The following ATG12 variants were observed in gnomAD, a reference collection of about 807,000 sequenced individuals.
The protein encoded by ATG12 is autophagy related 12, also known as ubiquitin-like protein ATG12.
In ATG12, 19 loss-of-function variants were observed where a neutral mutation model predicts 17.6. The observed-to-expected ratio is 1.08, with a 90% confidence interval of 0.75 to 1.58. The LOEUF is 1.58. Ranked by LOEUF, ATG12 falls within the 40% of genes most tolerant of loss-of-function variation. The pLI is 0.00. For synonymous variants in ATG12, 75 were observed against 62.4 expected (o/e 1.20, Z -0.95); for missense variants, 214 against 162.0 (o/e 1.32, Z -1.74).
chr5:115,840,265 G>A (rs963602593), intron 1 of ATG12, among the ~76,000 whole-genome samples: 6 of 151,350 alleles, frequency 4.0e-5, no homozygotes, highest in African/African-American at 1.5e-4. Flanking sequence ...CACAGTAGCA[G>A]AAGTTGAAGA....
Position 115,828,982 on chromosome 5 carries a change from G to A in ATG12, c.*2822C>T, listed in dbSNP as rs1760752103. The stretch of plus-strand genomic sequence containing the variant: ...AGAGTTAGGATTTGAAAGGGTGAAG[G>A]TGTAAGTAAACTGCACGAGCAGAAG... On this transcript the variant is annotated 3_prime_UTR_variant, in exon 4 of 4. Transcript: ENST00000509910. The A allele has an allele frequency of 6.6e-6, 1 of 152,192 alleles. No individual in the cohort carries two copies. Among genetic ancestry groups the A allele is most frequent in the Admixed American group, 6.5e-5 (1 of 15,268 alleles). 9.4% of individuals were successfully genotyped at this position (152,192 alleles called of 1,614,324 possible).
chr5:115,831,626 T>G lies in ATG12; in HGVS notation c.*178A>C. ...ATGATGACTGGTGCATTAATACAAA[T>G]CACATTTTTCTGAGTCCATTCATGC... is the stretch of plus-strand genomic sequence containing the variant. On this transcript the variant is annotated 3_prime_UTR_variant, in exon 4 of 4. Transcript: ENST00000509910. 1.5e-6 allele frequency: 1 copy of G among 655,738 alleles called. No homozygotes were observed. The highest frequency in any genetic ancestry group is 1.7e-5 in the South Asian group (1 of 57,264). The allele number at this position is 655,738 out of a possible 1,614,324, so 40.6% of individuals were successfully genotyped here. A position where few individuals can be genotyped will look rare whatever the true frequency, so the allele number is the denominator to read the frequency against.
intron 1 of ATG12, chr5:115,841,175 G>GT: frequency 1.8e-6 from 1 of 562,370 alleles, no homozygotes; most frequent in South Asian, 1.7e-5. Flanking sequence ...TGGCAGCCAA[G>GT]TATCAGGCCC....
At chr5:115,841,018 C>T in intron 1 of ATG12, 1 of 568,270 alleles carries the variant, frequency 1.8e-6, no homozygotes, top group Non-Finnish European at 2.9e-6. Context: ...ACCCCTACCA[C>T]CATAAAACAT....
In ATG12 at chr5:115,828,391, CCCA is replaced by C. The variant is rs920016837; in HGVS notation, c.*3410_*3412del. On this transcript the variant is annotated 3_prime_UTR_variant, in exon 4 of 4. Coordinates refer to ENST00000509910, the MANE Select transcript of ATG12 (RefSeq NM_004707.4). Reference sequence around the variant, plus strand: ...ATTCACCAAAATATGACAGGATTTCCCCACAACTCTGCTAATAGCAAGATGTAC... The same window carrying C: ...ATTCACCAAAATATGACAGGATTTCCCAACTCTGCTAATAGCAAGATGTAC... The C allele has an allele frequency of 5.3e-4, 80 of 152,264 alleles. No homozygotes were observed. The highest frequency in any genetic ancestry group is 1.8e-3 in the African/African-American group (74 of 41,552). 9.4% of individuals were successfully genotyped at this position (152,264 alleles called of 1,614,324 possible).
At chr5:115,839,200 G>T (rs1202386394) in intron 1 of ATG12, 1 of 151,072 alleles carries the variant, frequency 6.6e-6, no homozygotes, top group Non-Finnish European at 1.5e-5. Flanking sequence ...GCCCCCTAAA[G>T]TTAACTCTAT....
chr5:115,836,423 A>G (rs1455036743), intron 2 of ATG12, among the ~76,000 whole-genome samples: 1 of 152,220 alleles, frequency 6.6e-6, no homozygotes, highest in Non-Finnish European at 1.5e-5. Flanking sequence ...CATCTTTAGC[A>G]AAGATGCAGC....
At chr5:115,833,944 G>GTAC in intron 2 of ATG12, 1 of 152,188 alleles carries the variant, frequency 6.6e-6, no homozygotes, top group Middle Eastern at 3.2e-3. Flanking sequence ...ATGGAACTAT[G>GTAC]AAGATTAATG....
rs1487853479 is a variant in ATG12, at chr5:115,829,302, A to G, written c.*2502T>C. ...GGCTTTCTCACTTTGTGTTACAACTAAATTGGTTGACTAATGTCATGTAAT... is the reference window on the plus strand; with the variant it reads ...GGCTTTCTCACTTTGTGTTACAACTGAATTGGTTGACTAATGTCATGTAAT... On this transcript the variant is annotated 3_prime_UTR_variant, in exon 4 of 4. Transcript: ENST00000509910. 1 of 152,196 alleles carries G rather than the reference A, an allele frequency of 6.6e-6. No homozygotes were observed. Among genetic ancestry groups the G allele is most frequent in the African/African-American group, 2.4e-5 (1 of 41,458 alleles). 9.4% of individuals were successfully genotyped at this position (152,196 alleles called of 1,614,324 possible).
rs1760778887 is a variant in ATG12 at position 115,829,567 on chromosome 5, G to GT, written c.*2236dup. On this transcript the variant is annotated 3_prime_UTR_variant, in exon 4 of 4. Coordinates refer to ENST00000509910, the MANE Select transcript of ATG12 (RefSeq NM_004707.4). ...GTGTGCCATGGGTCATCTATGCACAGTAAGATGAAGCATGATATTAATGAC... is the reference window on the plus strand; with the variant it reads ...GTGTGCCATGGGTCATCTATGCACAGTTAAGATGAAGCATGATATTAATGAC... 1 of 152,188 alleles carries GT rather than the reference G, an allele frequency of 6.6e-6. No individual in the cohort carries two copies. Among genetic ancestry groups the GT allele is most frequent in the African/African-American group, 2.4e-5 (1 of 41,452 alleles). 9.4% of individuals were successfully genotyped at this position (152,188 alleles called of 1,614,324 possible).
At chr5:115,841,341 G>A (rs764436565) in intron 1 of ATG12, 49 bp downstream of exon 1, 3 of 1,606,964 alleles carry the variant, frequency 1.9e-6, no homozygotes, top group Non-Finnish European at 8.5e-7. Flanking sequence ...CCCCTACTCG[G>A]ATGCAATCTG....
chr5:115,837,787 A>G (rs760529023), intron 1 of ATG12, 23 bp from the exon 2 acceptor site: 1 of 1,574,308 alleles, frequency 6.4e-7, no homozygotes, highest in Non-Finnish European at 8.6e-7. Flanking sequence ...AATAAAATTT[A>G]CTGACAATTA....
At chr5:115,835,654 G>A (rs570473804) in intron 2 of ATG12, among the ~76,000 whole-genome samples, 17 of 152,218 alleles carry the variant, frequency 1.1e-4, no homozygotes, top group Non-Finnish European at 2.1e-4. Flanking sequence ...TTGTCATCAC[G>A]TGCTACAGAA....
intron 2 of ATG12, among the ~76,000 whole-genome samples, chr5:115,836,598 T>G (rs940681332): frequency 6.6e-6 from 1 of 152,182 alleles, no homozygotes; most frequent in African/African-American, 2.4e-5. Flanking sequence ...ATAGTTCACT[T>G]GTTTTACCCA....
At chr5:115,840,391 G>A (rs9765736) in intron 1 of ATG12, 5,890 of 192,130 alleles carry the variant, frequency 0.031, 376 homozygotes, top group African/African-American at 0.13. Context: ...TCCGCCTCGC[G>A]GGTTCAAGCG....
rs1256104754 is a variant in ATG12, at chr5:115,831,512, T to C, written c.*292A>G. ...ACTGACAATGAAGATGTTTATACAGTCTTAGTCTCCTTTTCAACCTTGGAG... is the reference window on the plus strand; with the variant it reads ...ACTGACAATGAAGATGTTTATACAGCCTTAGTCTCCTTTTCAACCTTGGAG... On this transcript the variant is annotated 3_prime_UTR_variant, in exon 4 of 4. Coordinates refer to ENST00000509910, the MANE Select transcript of ATG12 (RefSeq NM_004707.4). 6.2e-6 allele frequency: 3 copies of C among 485,362 alleles called. No homozygotes were observed. The highest frequency in any genetic ancestry group is 2.0e-5 in the African/African-American group (1 of 50,446). 30.1% of individuals were successfully genotyped at this position (485,362 alleles called of 1,614,324 possible).
In ATG12 at chr5:115,831,766, T is replaced by C; in HGVS notation, c.*38A>G. The C allele has an allele frequency of 6.3e-7, 1 of 1,599,946 alleles. No individual in the cohort carries two copies. The highest frequency in any genetic ancestry group is 8.5e-7 in the Non-Finnish European group (1 of 1,170,700). On this transcript the variant is annotated 3_prime_UTR_variant, in exon 4 of 4. Coordinates refer to ENST00000509910, the MANE Select transcript of ATG12 (RefSeq NM_004707.4). Reference sequence around the variant, plus strand: ...TTCAGAGCTGTCTCTTCCGTGAAAATCCATTTCATGTAGTAGCAAGTTGAT... The same window carrying C: ...TTCAGAGCTGTCTCTTCCGTGAAAACCCATTTCATGTAGTAGCAAGTTGAT...
At chr5:115,840,578 G>C in intron 1 of ATG12, 2 of 1,277,888 alleles carry the variant, frequency 1.6e-6, no homozygotes, top group Non-Finnish European at 2.0e-6. Flanking sequence ...GATTACAGGA[G>C]TGAGCCACCG....
At position 115,837,737 on chromosome 5, in the gene ATG12, T is replaced by C. The variant is rs1470155177; in HGVS notation, c.191A>G (p.Asp64Gly). 6.2e-7 allele frequency: 1 copy of C among 1,610,678 alleles called. No individual in the cohort carries two copies. The highest frequency in any genetic ancestry group is 1.7e-5 in the Admixed American group (1 of 58,874). ...KIDILLKAVG[D>G]TPIMKTKKWA... The stretch of plus-strand genomic sequence containing the variant: ...CTTCTTTGTTTTCATAATAGGAGTG[T>C]CTCCCACAGCCTTTAGCAAAATGTC... Residue 64 changes from aspartate to glycine, a missense_variant, in exon 2 of 4, where the codon GAC (aspartate) becomes GGC (glycine). Asp to Gly is a moderately conservative substitution (Grantham distance 94, BLOSUM62 -1). Coordinates refer to ENST00000509910, the MANE Select transcript of ATG12 (RefSeq NM_004707.4).
Sources: gnomAD v4.1 joint callset for allele counts (sites outside exome capture counted in the v4.1 genomes callset) on GRCh38, gnomAD v4.1.1 for gene constraint, MANE v1.5 for transcripts, NCBI Gene and HGNC (gene_info 2026-07-23, HGNC 2026-07-21) for gene names.